LRP1B: variants seen among roughly 807,000 people sequenced by gnomAD.
LRP1B encodes the protein low-density lipoprotein receptor-related protein 1B.
Under a neutral mutation model 556.6 loss-of-function variants are expected in LRP1B, and 217 were observed. The ratio of observed to expected loss-of-function variants is 0.39; its 90% CI spans 0.35 to 0.44. The LOEUF is 0.44. LRP1B is among the 20% of genes least tolerant of loss of function. LRP1B has a pLI of 1.00. For synonymous variants in LRP1B, 2,047 were observed against 1,865.8 expected, an observed-to-expected ratio of 1.10 and a Z score of -2.50; for missense variants, 5,053 against 5,620.8, an observed-to-expected ratio of 0.90 and a Z score of 3.23.
chr2:141,775,756 A>T (rs945245939), intron 2 of LRP1B, among the ~76,000 whole-genome samples: 2 of 152,118 alleles, frequency 1.3e-5, no homozygotes, highest in African/African-American at 2.4e-5. Flanking sequence ...TTATTCTAAA[A>T]ACTCTTCTCT....
At chr2:140,824,586 T>C (rs1691441205) in intron 31 of LRP1B, among the ~76,000 whole-genome samples, 1 of 152,098 alleles carries the variant, frequency 6.6e-6, no homozygotes, top group African/African-American at 2.4e-5. Context: ...TTTCCAACTT[T>C]TTCTTCCTAG....
chr2:141,604,925 A>G (rs60909126), intron 2 of LRP1B, among the ~76,000 whole-genome samples: 3,734 of 152,184 alleles, frequency 0.025, 150 homozygotes, highest in African/African-American at 0.085. Flanking sequence ...GGTACAAGCT[A>G]TAACACAGGT....
intron 15 of LRP1B, among the ~76,000 whole-genome samples, chr2:140,999,828 G>T (rs557139847): frequency 2.0e-5 from 3 of 152,134 alleles, no homozygotes; most frequent in East Asian, 3.9e-4. Context: ...ATACAAAAAA[G>T]GAGGGAATGG....
intron 7 of LRP1B, among the ~76,000 whole-genome samples, chr2:141,129,572 TG>T (rs1197296289): frequency 7.9e-5 from 9 of 114,360 alleles, no homozygotes; most frequent in Admixed American, 9.8e-5. Context: ...GTAGTGTGTG[TG>T]GGGGGAGGGG....
chr2:141,312,489 G>C (rs898607164), intron 3 of LRP1B, among the ~76,000 whole-genome samples: 1 of 152,126 alleles, frequency 6.6e-6, no homozygotes, highest in Non-Finnish European at 1.5e-5. Flanking sequence ...TAACAGTTAA[G>C]TTTTGGGGGA....
At chr2:141,203,058 A>G (rs1297822411) in intron 6 of LRP1B, among the ~76,000 whole-genome samples, 1 of 152,204 alleles carries the variant, frequency 6.6e-6, no homozygotes, top group Non-Finnish European at 1.5e-5. Context: ...ATGGAAAGGA[A>G]CAACTGGTAC....
At chr2:140,439,268 T>C (rs1008253062) in intron 66 of LRP1B, among the ~76,000 whole-genome samples, 4 of 152,212 alleles carry the variant, frequency 2.6e-5, no homozygotes, top group Non-Finnish European at 1.5e-5. Context: ...ATCTGGTGTT[T>C]GCCCAAGCTT....
At chr2:140,522,114 G>A (rs756555350) in intron 49 of LRP1B, among the ~76,000 whole-genome samples, 10 of 151,844 alleles carry the variant, frequency 6.6e-5, no homozygotes. Flanking sequence ...AAACACTCCA[G>A]ACTACCGTAG....
intron 1 of LRP1B, among the ~76,000 whole-genome samples, chr2:141,900,571 C>T (rs1699588175): frequency 6.6e-6 from 1 of 152,008 alleles, no homozygotes; most frequent in Admixed American, 6.6e-5. Context: ...GAATTTCATA[C>T]ACAGATGACC....
At chr2:140,416,882 G>T (rs1685225810) in intron 66 of LRP1B, among the ~76,000 whole-genome samples, 1 of 152,058 alleles carries the variant, frequency 6.6e-6, no homozygotes, top group Non-Finnish European at 1.5e-5. Flanking sequence ...TCACAGTTTT[G>T]GAAAACCCAC....
intron 3 of LRP1B, among the ~76,000 whole-genome samples, chr2:141,296,626 C>A (rs1686190923): frequency 6.6e-6 from 1 of 152,182 alleles, no homozygotes; most frequent in Non-Finnish European, 1.5e-5. Flanking sequence ...GATAGATGCT[C>A]AACACATGGT....
chr2:141,757,643 C>T (rs749790155), intron 2 of LRP1B, among the ~76,000 whole-genome samples: 1 of 152,066 alleles, frequency 6.6e-6, no homozygotes, highest in Non-Finnish European at 1.5e-5. Flanking sequence ...ACCTCAAACT[C>T]CTGCCTCAAT....
intron 1 of LRP1B, among the ~76,000 whole-genome samples, chr2:142,086,013 A>T (rs1388947899): frequency 1.3e-5 from 2 of 152,184 alleles, no homozygotes; most frequent in Non-Finnish European, 2.9e-5. Context: ...CTACAGGGTG[A>T]TACTATTAAT....
intron 41 of LRP1B, among the ~76,000 whole-genome samples, chr2:140,689,817 C>T (rs1321006551): frequency 6.6e-6 from 1 of 152,128 alleles, no homozygotes; most frequent in African/African-American, 2.4e-5. Context: ...CAAAGATTGG[C>T]TATAACTCTC....
At chr2:141,447,547 T>C (rs1416190605) in intron 3 of LRP1B, among the ~76,000 whole-genome samples, 1 of 152,148 alleles carries the variant, frequency 6.6e-6, no homozygotes, top group Non-Finnish European at 1.5e-5. Context: ...TGTTCATGGA[T>C]TTATCTACCT....
chr2:141,816,288 T>C (rs1696543366), intron 1 of LRP1B, among the ~76,000 whole-genome samples: 1 of 151,978 alleles, frequency 6.6e-6, no homozygotes, highest in East Asian at 1.9e-4. Context: ...AGTCAGTGGA[T>C]TGGGAGAGGC....
intron 4 of LRP1B, among the ~76,000 whole-genome samples, chr2:141,249,171 G>A (rs1386249945): frequency 6.6e-6 from 1 of 152,138 alleles, no homozygotes; most frequent in Non-Finnish European, 1.5e-5. Flanking sequence ...TAGAGTATAT[G>A]GAAGTCAATA....
At chr2:141,202,898 G>A (rs573762331) in intron 6 of LRP1B, among the ~76,000 whole-genome samples, 77 of 151,878 alleles carry the variant, frequency 5.1e-4, no homozygotes, top group Admixed American at 1.6e-3. Context: ...CCCCCGACAG[G>A]CCCTGGTGTG....
At chr2:142,052,380 G>A (rs1045162169) in intron 1 of LRP1B, among the ~76,000 whole-genome samples, 1 of 151,990 alleles carries the variant, frequency 6.6e-6, no homozygotes, top group Non-Finnish European at 1.5e-5. Flanking sequence ...GGAAAAGCTA[G>A]GGAGAAAACC....
Sources: allele counts gnomAD v4.1 joint callset (sites outside exome capture counted in the v4.1 genomes callset), GRCh38; gene constraint gnomAD v4.1.1; transcripts MANE v1.5; gene names NCBI Gene and HGNC (gene_info 2026-07-23, HGNC 2026-07-21).